The following BRIP1 variants were observed in gnomAD, a reference collection of about 807,000 sequenced individuals.
BRIP1 encodes the protein BRCA1 interacting DNA helicase 1.
BRIP1 carries 88 observed loss-of-function variants against 119.7 expected under a neutral mutation model. That is an observed-to-expected ratio of 0.74 (90% CI 0.62 to 0.88). The LOEUF (loss-of-function observed/expected upper bound fraction) is 0.88, where lower values mean the gene tolerates loss of function less well. Among genes scored for constraint, BRIP1 ranks in the 40% least tolerant of loss-of-function variants. The probability of loss-of-function intolerance (pLI) is 0.00; values close to 1 mark genes in which losing one functional copy is unlikely to be tolerated. For synonymous variants in BRIP1, 443 were observed against 496.5 expected, an observed-to-expected ratio of 0.89 and a Z score of 1.43; for missense variants, 1,259 against 1,455.4, an observed-to-expected ratio of 0.87 and a Z score of 2.20.
intron 6 of BRIP1, among the ~76,000 whole-genome samples, chr17:61,821,554 G>A (rs778447882): frequency 1.3e-5 from 2 of 151,102 alleles, no homozygotes; most frequent in Admixed American, 6.6e-5. Flanking sequence ...TTTACAGACA[G>A]GGTCTCATTC....
At position 61,808,575 on chromosome 17, in the gene BRIP1, C is replaced by T. The variant is rs2145415630; in HGVS notation, c.810G>A (p.Gly270=). 1 of 1,613,784 alleles carries T rather than the reference C, an allele frequency of 6.2e-7. No individual in the cohort carries two copies. The change falls in exon 7 of 20, where the codon GGG becomes GGA. Residue 270 remains glycine (G), a synonymous_variant. Transcript: ENST00000259008. The surrounding 1 kb of genome is among the most constrained non-coding windows in gnomAD (Gnocchi z 4.1). Reference sequence around the variant, plus strand: ...TGCTGGAAAGAATAGTCATTGGAACCCCTGAATATGCCGTCCTCCGGAGCT... The same window carrying T: ...TGCTGGAAAGAATAGTCATTGGAACTCCTGAATATGCCGTCCTCCGGAGCT... The part of the protein sequence containing the change: ...TRELRRTAYS[G]VPMTILSSRD...
rs1276938569 is a variant in BRIP1 at position 61,689,037 on chromosome 17, T to C, written c.2576-2872A>G. On this transcript the variant is annotated intron_variant, in intron 18 of 19. Transcript: ENST00000259008. The surrounding 1 kb of genome is among the most constrained non-coding windows in gnomAD (Gnocchi z 4.5). Reference sequence around the variant, plus strand: ...ATATATTTTATATTCTGTTATGTTATGTTATGTTATGTTATGTTATTTTTT... The same window carrying C: ...ATATATTTTATATTCTGTTATGTTACGTTATGTTATGTTATGTTATTTTTT... 1.3e-5 allele frequency among the ~76,000 whole-genome samples: 2 copies of C among 151,496 alleles called. No homozygotes were observed. The highest frequency in any genetic ancestry group is 2.9e-5 in the Non-Finnish European group (2 of 67,956).
chr17:61,697,035 A>G (rs946452912), intron 17 of BRIP1, among the ~76,000 whole-genome samples: 5 of 147,174 alleles, frequency 3.4e-5, no homozygotes, highest in East Asian at 2.0e-4. Flanking sequence ...GACAAATTCT[A>G]TCTTTACTTG....
chr17:61,745,814 A>C lies in BRIP1; in HGVS notation c.2098-1223T>G, dbSNP rs1249869461. Among the ~76,000 whole-genome samples, 1 of 152,264 alleles carries C rather than the reference A, an allele frequency of 6.6e-6. No homozygotes were observed. The highest frequency in any genetic ancestry group is 1.5e-5 in the Non-Finnish European group (1 of 68,048). ...TGGCAATACATGGAAATACATTTAT[A>C]GCTTTAAATATATTTATTTTTAAAA... is the stretch of plus-strand genomic sequence containing the variant. On this transcript the variant is annotated intron_variant, in intron 14 of 19. Transcript: ENST00000259008. This position sits in a 1 kb window ranked among gnomAD's most constrained non-coding sequence, Gnocchi z 4.4.
rs2061364159 is a variant in BRIP1 at position 61,686,339 on chromosome 17, A to G, written c.2576-174T>C. On this transcript the variant is annotated intron_variant, in intron 18 of 19. Coordinates refer to ENST00000259008, the MANE Select transcript of BRIP1 (RefSeq NM_032043.3). This position sits in a 1 kb window ranked among gnomAD's most constrained non-coding sequence, Gnocchi z 5.4. ...TCAGCAATTTTACTACATATGTATC[A>G]GTAACATATGAGTAACATTCTCTTT... Among the ~76,000 whole-genome samples, 1 of 152,192 alleles carries G rather than the reference A, an allele frequency of 6.6e-6. No homozygotes were observed. The highest frequency in any genetic ancestry group is 2.4e-5 in the African/African-American group (1 of 41,456).
At position 61,736,835 on chromosome 17, in the gene BRIP1, T is replaced by C. The variant is rs1189781249; in HGVS notation, c.2379+6178A>G. 6.6e-6 allele frequency among the ~76,000 whole-genome samples: 1 copy of C among 152,148 alleles called. No homozygotes were observed. Among genetic ancestry groups the C allele is most frequent in the African/African-American group, 2.4e-5 (1 of 41,430 alleles). On this transcript the variant is annotated intron_variant, in intron 16 of 19. Transcript: ENST00000259008. This position sits in a 1 kb window ranked among gnomAD's most constrained non-coding sequence, Gnocchi z 4.4. ...TCTTTATAAACACTAAATATGTGCT[T>C]TAGGAAATAATAAAGGACACTGGTA...
intron 17 of BRIP1, among the ~76,000 whole-genome samples, chr17:61,715,713 T>A (rs2061849288): frequency 6.6e-6 from 1 of 152,340 alleles, no homozygotes. Context: ...CATTGTTAGA[T>A]CAATCACAAA....
chr17:61,750,748 C>T (rs574357690), intron 14 of BRIP1, among the ~76,000 whole-genome samples: 4 of 150,764 alleles, frequency 2.7e-5, no homozygotes, highest in Admixed American at 2.6e-4. Context: ...AAAAGATGCT[C>T]AACATCCTTA....
Position 61,683,770 on chromosome 17 carries a change from C to T in BRIP1, c.3276G>A (p.Pro1092=), listed in dbSNP as rs375911315. 8.7e-6 allele frequency: 14 copies of T among 1,613,934 alleles called. No homozygotes were observed. Among genetic ancestry groups the T allele is most frequent in the Admixed American group, 1.7e-5 (1 of 59,990 alleles). ...GATCCAGGGCTTCTTCAGAACAGAG[C>T]GGATGTTCAGAATGATTTTTTCTAG... ...TLTRKNHSEH[P]LCSEEALDPD... The change falls in exon 20 of 20, where the codon CCG becomes CCA. Residue 1092 remains proline (P), a synonymous_variant. Transcript: ENST00000259008. This position sits in a 1 kb window ranked among gnomAD's most constrained non-coding sequence, Gnocchi z 4.7.
intron 8 of BRIP1, 50 bp downstream of exon 8, chr17:61,801,203 T>C (rs1434806943): frequency 2.6e-6 from 4 of 1,519,834 alleles, no homozygotes; most frequent in Non-Finnish European, 3.7e-6. Context: ...ATTCAACATT[T>C]ACATCTCCAT....
In BRIP1 at chr17:61,755,512, TCA is replaced by T. The variant is rs2077189059; in HGVS notation, c.2098-10923_2098-10922del. ...AGGTTGAGGCTGCACTGAGCTGTGATCATGCCACCGTACTCCAGCCTGGGTGA... is the reference window on the plus strand; with the variant it reads ...AGGTTGAGGCTGCACTGAGCTGTGATTGCCACCGTACTCCAGCCTGGGTGA... On this transcript the variant is annotated intron_variant, in intron 14 of 19. Transcript: ENST00000259008. The surrounding 1 kb of genome is among the most constrained non-coding windows in gnomAD (Gnocchi z 4.5). Among the ~76,000 whole-genome samples the T allele has an allele frequency of 6.6e-6, 1 of 152,138 alleles. No homozygotes were observed. The highest frequency in any genetic ancestry group is 2.4e-5 in the African/African-American group (1 of 41,434).
rs575887871 is a variant in BRIP1 at position 61,834,961 on chromosome 17, A to C, written c.627+12140T>G. ...GCTAAATAAATGGTTGGTTTGTTAC[A>C]GCAACAGATAACATTGCATGTGTGT... On this transcript the variant is annotated intron_variant, in intron 6 of 19. Coordinates refer to ENST00000259008, the MANE Select transcript of BRIP1 (RefSeq NM_032043.3). The surrounding 1 kb of genome is among the most constrained non-coding windows in gnomAD (Gnocchi z 4.4). Among the ~76,000 whole-genome samples the C allele has an allele frequency of 1.2e-4, 19 of 152,234 alleles. No homozygotes were observed. The highest frequency in any genetic ancestry group is 2.6e-4 in the Non-Finnish European group (18 of 68,032).
At chr17:61,692,002 T>G (rs2061454422) in intron 18 of BRIP1, among the ~76,000 whole-genome samples, 2 of 151,948 alleles carry the variant, frequency 1.3e-5, no homozygotes, top group Admixed American at 1.3e-4. Flanking sequence ...GGGATTGATA[T>G]GCTTTGGTTA....
At chr17:61,813,570 T>G (rs1372477050) in intron 6 of BRIP1, among the ~76,000 whole-genome samples, 1 of 152,092 alleles carries the variant, frequency 6.6e-6, no homozygotes, top group Non-Finnish European at 1.5e-5. Flanking sequence ...CAGATTAGCT[T>G]TTAAAGGAAA....
chr17:61,758,298 A>G lies in BRIP1; in HGVS notation c.2098-13707T>C, dbSNP rs1222817184. Among the ~76,000 whole-genome samples the G allele has an allele frequency of 5.9e-5, 9 of 152,332 alleles. No individual in the cohort carries two copies. The South Asian group carries it at 1.5e-3, about 25-fold the overall frequency. On this transcript the variant is annotated intron_variant, in intron 14 of 19. Coordinates refer to ENST00000259008, the MANE Select transcript of BRIP1 (RefSeq NM_032043.3). The surrounding 1 kb of genome is among the most constrained non-coding windows in gnomAD (Gnocchi z 5.3). ...TTCCTGAATAGATTAACTGTAGGCG[A>G]AAAAGGCAACTCGTTTTCTATACTT...
chr17:61,791,994 A>G (rs1304293038), intron 10 of BRIP1, among the ~76,000 whole-genome samples: 2 of 152,234 alleles, frequency 1.3e-5, no homozygotes, highest in African/African-American at 4.8e-5. Context: ...CAGAGTCCTC[A>G]GCCCCAAAGT....
rs1353435255 is a variant in BRIP1 at position 61,738,297 on chromosome 17, A to G, written c.2379+4716T>C. 6.6e-6 allele frequency among the ~76,000 whole-genome samples: 1 copy of G among 152,198 alleles called. No homozygotes were observed. The highest frequency in any genetic ancestry group is 1.5e-5 in the Non-Finnish European group (1 of 68,040). On this transcript the variant is annotated intron_variant, in intron 16 of 19. Coordinates refer to ENST00000259008, the MANE Select transcript of BRIP1 (RefSeq NM_032043.3). The surrounding 1 kb of genome is among the most constrained non-coding windows in gnomAD (Gnocchi z 4.2). ...ACAGAAGAAGAACTGATCCAGACAT[A>G]TGGCAATAAGAAATACACTTCCCAG...
At position 61,808,393 on chromosome 17, in the gene BRIP1, A is replaced by G. The variant is rs1162508355; in HGVS notation, c.918+74T>C. ...GAAGTTGATTATCACTAAAATGTACATATAAAACACATACTGAGTAATTTA... is the reference window on the plus strand; with the variant it reads ...GAAGTTGATTATCACTAAAATGTACGTATAAAACACATACTGAGTAATTTA... On this transcript the variant is annotated intron_variant, in intron 7 of 19. Coordinates refer to ENST00000259008, the MANE Select transcript of BRIP1 (RefSeq NM_032043.3). The surrounding 1 kb of genome is among the most constrained non-coding windows in gnomAD (Gnocchi z 4.1). 6.9e-7 allele frequency: 1 copy of G among 1,446,968 alleles called. No homozygotes were observed. Among genetic ancestry groups the G allele is most frequent in the African/African-American group, 1.4e-5 (1 of 71,302 alleles). 89.6% of individuals were successfully genotyped at this position (1,446,968 alleles called of 1,614,324 possible). A position where few individuals can be genotyped will look rare whatever the true frequency, so the allele number is the denominator to read the frequency against.
chr17:61,818,192 AGGGGGGAGG>A (rs1285802123), intron 6 of BRIP1, among the ~76,000 whole-genome samples: 1 of 93,276 alleles, frequency 1.1e-5, no homozygotes, highest in African/African-American at 4.1e-5. Flanking sequence ...ATCTCTAAAA[AGGGGGGAGG>A]GGGGGGAAAG....
Sources: allele counts gnomAD v4.1 joint callset (sites outside exome capture counted in the v4.1 genomes callset), GRCh38; gene constraint gnomAD v4.1.1; non-coding constraint Gnocchi (gnomAD v3.1); transcripts MANE v1.5; gene names NCBI Gene and HGNC (gene_info 2026-07-23, HGNC 2026-07-21).